Variants in HEATR5B observed in about 807,000 individuals in gnomAD.
HEATR5B encodes the protein HEAT repeat containing 5B, also known as HEAT repeat-containing protein 5B.
HEATR5B carries 156 observed loss-of-function variants against 224.1 expected under a neutral mutation model. That is an observed-to-expected ratio of 0.70 (90% CI 0.61 to 0.80). The LOEUF (loss-of-function observed/expected upper bound fraction) is 0.80, where lower values mean the gene tolerates loss of function less well. Ranked by LOEUF, HEATR5B falls within the 30% of genes least tolerant of loss-of-function variation. The pLI, the probability that HEATR5B is intolerant of heterozygous loss-of-function variation, is 0.00. For synonymous variants in HEATR5B, 1,027 were observed against 893.0 expected, an observed-to-expected ratio of 1.15 and a Z score of -2.68; for missense variants, 2,323 against 2,535.5, an observed-to-expected ratio of 0.92 and a Z score of 1.80.
In HEATR5B at chr2:37,037,964, T is replaced by C; in HGVS notation, c.3107A>G (p.Gln1036Arg). The part of the protein sequence containing the change: ...SSCLVGCAIT[Q>R]DHSDSLVQAA... ...CTGAACAAGAGAATCTGAATGGTCTTGTGTTATTGCACAACCCACCAAACA... is the reference window on the plus strand; with the variant it reads ...CTGAACAAGAGAATCTGAATGGTCTCGTGTTATTGCACAACCCACCAAACA... Residue 1036 changes from glutamine (Q) to arginine (R), a missense_variant, in exon 21 of 36, where the codon CAA becomes CGA. Gln to Arg is a conservative substitution (Grantham distance 43, BLOSUM62 1). Coordinates refer to ENST00000233099, the MANE Select transcript of HEATR5B (RefSeq NM_019024.3). 1.2e-6 allele frequency: 2 copies of C among 1,600,324 alleles called. No homozygotes were observed. The highest frequency in any genetic ancestry group is 1.7e-6 in the Non-Finnish European group (2 of 1,171,346).
intron 10 of HEATR5B, among the ~76,000 whole-genome samples, chr2:37,063,768 T>C (rs1343099125): frequency 1.3e-5 from 2 of 152,122 alleles, no homozygotes; most frequent in African/African-American, 4.8e-5. Context: ...ATGATAGTAG[T>C]ATACAACAGA....
At chr2:37,042,047 T>C (rs1345380596) in intron 18 of HEATR5B, among the ~76,000 whole-genome samples, 2 of 152,074 alleles carry the variant, frequency 1.3e-5, no homozygotes, top group Non-Finnish European at 2.9e-5. Context: ...TTTTTCTTTG[T>C]GAAATATATT....
Position 37,079,305 on chromosome 2 carries a change from T to A in HEATR5B, c.153A>T (p.Lys51Asn). 1 of 1,607,636 alleles carries A rather than the reference T, an allele frequency of 6.2e-7. No individual in the cohort carries two copies. Among genetic ancestry groups the A allele is most frequent in the Non-Finnish European group, 8.5e-7 (1 of 1,177,856 alleles). Residue 51 changes from lysine to asparagine, a missense_variant, in exon 3 of 36, where the codon AAA becomes AAT. Transcript: ENST00000233099. ...NKTDVKEKQK[K>N]LVEQLTGLIS... The stretch of plus-strand genomic sequence containing the variant: ...TTAATCCAGTTAATTGTTCAACAAG[T>A]TTTTTCTGTTTTTCCTTTACATCGG...
chr2:37,050,782 T>C (rs1670490682), intron 17 of HEATR5B, among the ~76,000 whole-genome samples: 1 of 152,200 alleles, frequency 6.6e-6, no homozygotes, highest in Admixed American at 6.5e-5. Context: ...GGCCTAGGCC[T>C]GTAATCCCCG....
At chr2:37,004,266 T>A (rs1275346857) in intron 30 of HEATR5B, among the ~76,000 whole-genome samples, 1 of 151,864 alleles carries the variant, frequency 6.6e-6, no homozygotes, top group African/African-American at 2.4e-5. Context: ...CAGCCTCTTA[T>A]GTGAGGCTTA....
intron 22 of HEATR5B, among the ~76,000 whole-genome samples, chr2:37,030,250 A>G (rs1298767926): frequency 6.6e-6 from 1 of 152,210 alleles, no homozygotes; most frequent in Non-Finnish European, 1.5e-5. Context: ...AAATAGCCAT[A>G]GTGAGTGACA....
chr2:36,988,675 G>A lies in HEATR5B; in HGVS notation c.5882C>T (p.Thr1961Ile), dbSNP rs776664150. ...TTGTTCTTCACCAAGAGCAACCAGT[G>A]TTTCAAGAACTTTTATTCCTTCTTG... The part of the protein sequence containing the change: ...AVQEGIKVLE[T>I]LVALGEEQNR... Residue 1961 changes from threonine (T) to isoleucine (I), a missense_variant, in exon 35 of 36, where the codon ACA becomes ATA. Thr to Ile is a moderately conservative substitution (Grantham distance 89). Around this residue, in one of 12 missense-constraint regions of HEATR5B, gnomAD observed 844 missense variants for 812.9 expected, o/e 1.04. Coordinates refer to ENST00000233099, the MANE Select transcript of HEATR5B (RefSeq NM_019024.3). The A allele has an allele frequency of 1.1e-5, 18 of 1,613,988 alleles. No individual in the cohort carries two copies. Among genetic ancestry groups the A allele is most frequent in the Non-Finnish European group, 1.5e-5 (18 of 1,179,882 alleles).
chr2:37,039,949 A>G (rs1669772611), intron 20 of HEATR5B, among the ~76,000 whole-genome samples: 1 of 152,206 alleles, frequency 6.6e-6, no homozygotes, highest in Non-Finnish European at 1.5e-5. Flanking sequence ...ACCTTATGAC[A>G]GTGGTTTTTC....
intron 13 of HEATR5B, 80 bp from the exon 14 acceptor site, chr2:37,058,640 T>A: frequency 1.1e-6 from 1 of 942,980 alleles, no homozygotes; most frequent in Non-Finnish European, 1.7e-6. Flanking sequence ...TGTATCAATG[T>A]ACTGCCAAAC....
chr2:37,013,466 T>C (rs922738051), intron 27 of HEATR5B, among the ~76,000 whole-genome samples: 2 of 152,188 alleles, frequency 1.3e-5, no homozygotes, highest in Non-Finnish European at 2.9e-5. Context: ...AGGAGGACTG[T>C]TTGGGCCCAG....
chr2:37,028,493 T>C (rs1668919931), intron 23 of HEATR5B, among the ~76,000 whole-genome samples, 188 bp downstream of exon 23: 1 of 152,140 alleles, frequency 6.6e-6, no homozygotes, highest in Admixed American at 6.5e-5. Context: ...CCCAACAATA[T>C]AAAAAAGCTC....
chr2:37,017,479 G>GCT (rs1668191437), intron 26 of HEATR5B, among the ~76,000 whole-genome samples: 1 of 151,166 alleles, frequency 6.6e-6, no homozygotes, highest in African/African-American at 2.4e-5. Flanking sequence ...GAGGCCATGA[G>GCT]CTCGAGACCA....
chr2:37,028,225 TC>T, intron 23 of HEATR5B, 51 bp from the exon 24 acceptor site: 1 of 1,263,300 alleles, frequency 7.9e-7, no homozygotes, highest in Non-Finnish European at 1.1e-6. Context: ...GCAAAAATGA[TC>T]CTTTAAAAAG....
At chr2:36,989,096 T>G (rs1666144928) in intron 34 of HEATR5B, among the ~76,000 whole-genome samples, 1 of 152,254 alleles carries the variant, frequency 6.6e-6, no homozygotes, top group Admixed American at 6.5e-5. Flanking sequence ...ATTTCTTTTT[T>G]CTTTTTTTGA....
At chr2:37,003,398 T>C in intron 31 of HEATR5B, 144 bp downstream of exon 31, 1 of 554,020 alleles carries the variant, frequency 1.8e-6, no homozygotes, top group South Asian at 2.6e-5. Context: ...ATCACATCAT[T>C]GCGCTCCAGC....
At chr2:37,072,514 G>A (rs1294570398) in intron 5 of HEATR5B, among the ~76,000 whole-genome samples, 1 of 152,088 alleles carries the variant, frequency 6.6e-6, no homozygotes, top group Non-Finnish European at 1.5e-5. Flanking sequence ...TTCTAGTTAG[G>A]GAGAAACATG....
intron 28 of HEATR5B, among the ~76,000 whole-genome samples, chr2:37,007,929 C>T (rs1173098972): frequency 2.0e-5 from 3 of 152,200 alleles, no homozygotes; most frequent in Non-Finnish European, 2.9e-5. Flanking sequence ...ATCATCTTCT[C>T]TTTCTATCAC....
At chr2:37,009,094 C>T (rs1039666805) in intron 27 of HEATR5B, among the ~76,000 whole-genome samples, 5 of 151,480 alleles carry the variant, frequency 3.3e-5, no homozygotes, top group African/African-American at 9.7e-5. Context: ...CCTGTCTCTA[C>T]GAAAAATACA....
intron 2 of HEATR5B, among the ~76,000 whole-genome samples, 197 bp from the exon 3 acceptor site, chr2:37,079,528 C>G (rs1405413116): frequency 6.6e-6 from 1 of 152,136 alleles, no homozygotes; most frequent in East Asian, 1.9e-4. Context: ...ATTAAATATT[C>G]TCCTTCATGC....
Sources: allele counts gnomAD v4.1 joint callset (sites outside exome capture counted in the v4.1 genomes callset), GRCh38; gene constraint gnomAD v4.1.1; regional missense constraint gnomAD v4.1.1; transcripts MANE v1.5; gene names NCBI Gene and HGNC (gene_info 2026-07-23, HGNC 2026-07-21).